Variants in EXOC6B observed in about 807,000 individuals in gnomAD.
The protein encoded by EXOC6B is exocyst complex component 6B, also known as SEC15 homolog B.
In EXOC6B, 54 loss-of-function variants were observed where a neutral mutation model predicts 113.5. That is an observed-to-expected ratio of 0.48 (90% CI 0.38 to 0.60). EXOC6B has a LOEUF of 0.60. EXOC6B is among the 20% of genes least tolerant of loss of function. EXOC6B has a pLI of 0.00. For synonymous variants in EXOC6B, 357 were observed against 339.0 expected, an observed-to-expected ratio of 1.05 and a Z score of -0.58; for missense variants, 797 against 977.5, an observed-to-expected ratio of 0.82 and a Z score of 2.46.
chr2:72,808,768 C>T lies in EXOC6B; in HGVS notation c.113+17030G>A, dbSNP rs530776905. ...ACTACAGTCCAGCTGGGCAACAGAG[C>T]GAGATCCTATCTCAAAAAACACAGC... On this transcript the variant is annotated intron_variant, in intron 1 of 21. Transcript: ENST00000272427. Among the ~76,000 whole-genome samples the T allele has an allele frequency of 3.5e-3, 536 of 152,020 alleles. 2 individuals are homozygous for T. Among genetic ancestry groups the T allele is most frequent in the Middle Eastern group, 6.8e-3 (2 of 294 alleles).
chr2:72,539,753 C>T (rs186755662), intron 8 of EXOC6B, among the ~76,000 whole-genome samples: 16 of 151,394 alleles, frequency 1.1e-4, no homozygotes, highest in African/African-American at 3.9e-4. Flanking sequence ...TGTGTGTGCG[C>T]GCGCGCGCGC....
At chr2:72,187,496 G>T (rs1489429935) in intron 20 of EXOC6B, among the ~76,000 whole-genome samples, 1 of 152,076 alleles carries the variant, frequency 6.6e-6, no homozygotes, top group African/African-American at 2.4e-5. Context: ...ATGACCCACA[G>T]TGGGAAGCTC....
intron 6 of EXOC6B, among the ~76,000 whole-genome samples, chr2:72,653,637 G>C (rs558688866): frequency 2.1e-5 from 3 of 142,316 alleles, no homozygotes; most frequent in African/African-American, 8.7e-5. Context: ...AAATACTGAC[G>C]AGTTGAAAGA....
chr2:72,660,515 T>C (rs1038715940), intron 6 of EXOC6B, among the ~76,000 whole-genome samples: 1 of 152,216 alleles, frequency 6.6e-6, no homozygotes, highest in Non-Finnish European at 1.5e-5. Context: ...ATTTGATTAT[T>C]AATTATCCTA....
At chr2:72,349,245 C>T (rs1254142593) in intron 19 of EXOC6B, among the ~76,000 whole-genome samples, 1 of 152,168 alleles carries the variant, frequency 6.6e-6, no homozygotes, top group African/African-American at 2.4e-5. Flanking sequence ...TGGTCTTTGT[C>T]CCTGGCTCCT....
At chr2:72,582,799 T>C (rs1234592659) in intron 6 of EXOC6B, among the ~76,000 whole-genome samples, 3 of 152,018 alleles carry the variant, frequency 2.0e-5, no homozygotes, top group Non-Finnish European at 2.9e-5. Flanking sequence ...AAATTTAGGG[T>C]TGGGGAGTGA....
At chr2:72,499,722 T>C (rs1250929136) in intron 12 of EXOC6B, among the ~76,000 whole-genome samples, 179 bp downstream of exon 12, 2 of 151,976 alleles carry the variant, frequency 1.3e-5, no homozygotes, top group Admixed American at 6.6e-5. Flanking sequence ...TTTGTATAGA[T>C]GGAGTCTCAC....
chr2:72,691,483 A>T (rs1055553121), intron 6 of EXOC6B, among the ~76,000 whole-genome samples: 13 of 152,162 alleles, frequency 8.5e-5, no homozygotes, highest in Non-Finnish European at 1.8e-4. Flanking sequence ...AACATAGTTT[A>T]GCTTATAGAA....
chr2:72,460,496 C>A (rs1176280521), intron 18 of EXOC6B, among the ~76,000 whole-genome samples: 1 of 151,602 alleles, frequency 6.6e-6, no homozygotes, highest in Non-Finnish European at 1.5e-5. Context: ...ACAATGAACT[C>A]AAACAAATTT....
Position 72,503,311 on chromosome 2 carries a change from T to C in EXOC6B, c.1168-3339A>G, listed in dbSNP as rs550859286. 1.2e-4 allele frequency among the ~76,000 whole-genome samples: 19 copies of C among 152,284 alleles called. 1 individual carries two copies. The highest frequency in any genetic ancestry group is 4.3e-4 in the African/African-American group (18 of 41,564). ...CATCATATTATCATTGAGAACTATT[T>C]TGCTGTCCCCCAAATACCCTGTGCT... is the stretch of plus-strand genomic sequence containing the variant. On this transcript the variant is annotated intron_variant, in intron 11 of 21. Coordinates refer to ENST00000272427, the MANE Select transcript of EXOC6B (RefSeq NM_015189.3).
intron 18 of EXOC6B, among the ~76,000 whole-genome samples, chr2:72,416,158 C>T (rs67166018): frequency 0.2 from 30,532 of 152,042 alleles, 5,659 homozygotes; most frequent in African/African-American, 0.5. Context: ...GAGGTGACAT[C>T]CATCCCTTTT....
chr2:72,316,506 T>C (rs1299372309), intron 20 of EXOC6B, among the ~76,000 whole-genome samples: 1 of 152,178 alleles, frequency 6.6e-6, no homozygotes, highest in Non-Finnish European at 1.5e-5. Flanking sequence ...TAAAGTAAAC[T>C]GATAATGAAG....
At chr2:72,285,842 C>T (rs1558522038) in intron 20 of EXOC6B, among the ~76,000 whole-genome samples, 1 of 151,872 alleles carries the variant, frequency 6.6e-6, no homozygotes, top group Non-Finnish European at 1.5e-5. Flanking sequence ...TAACAGATAC[C>T]TCACCGAAGA....
intron 18 of EXOC6B, among the ~76,000 whole-genome samples, chr2:72,440,882 T>C (rs1282486855): frequency 6.6e-6 from 1 of 152,106 alleles, no homozygotes; most frequent in Non-Finnish European, 1.5e-5. Flanking sequence ...ATTGCTATCC[T>C]ACTTTCTGAC....
intron 20 of EXOC6B, among the ~76,000 whole-genome samples, chr2:72,214,713 A>G (rs549502487): frequency 6.6e-6 from 1 of 152,316 alleles, no homozygotes; most frequent in East Asian, 1.9e-4. Context: ...TTCTTTCTTT[A>G]AGACCAGATC....
At chr2:72,474,430 G>T (rs145238004) in intron 17 of EXOC6B, among the ~76,000 whole-genome samples, 2 of 151,770 alleles carry the variant, frequency 1.3e-5, no homozygotes, top group Non-Finnish European at 2.9e-5. Context: ...ATGATGCCCC[G>T]TATGTAATAA....
At chr2:72,600,426 A>C in intron 6 of EXOC6B, among the ~76,000 whole-genome samples, 1 of 133,476 alleles carries the variant, frequency 7.5e-6, no homozygotes, top group African/African-American at 2.9e-5. Flanking sequence ...TGGGCAATGG[A>C]GTGAGACCTT....
chr2:72,515,835 G>T, intron 8 of EXOC6B: 1 of 631,564 alleles, frequency 1.6e-6, no homozygotes, highest in Non-Finnish European at 2.0e-6. Context: ...TGATGTAATT[G>T]GTTAAATTAA....
At chr2:72,518,741 G>C (rs1222497208) in intron 8 of EXOC6B, among the ~76,000 whole-genome samples, 8 of 152,172 alleles carry the variant, frequency 5.3e-5, no homozygotes, top group Non-Finnish European at 1.0e-4. Context: ...GGGCTGACAA[G>C]AGATGAGGCA....
Sources: allele counts gnomAD v4.1 joint callset (sites outside exome capture counted in the v4.1 genomes callset), GRCh38; gene constraint gnomAD v4.1.1; transcripts MANE v1.5; gene names NCBI Gene and HGNC (gene_info 2026-07-23, HGNC 2026-07-21).